The following DEGS1 variants were observed in gnomAD, a reference collection of about 807,000 sequenced individuals.
DEGS1 encodes the protein sphingolipid delta(4)-desaturase DES1.
A neutral mutation model predicts 24.1 loss-of-function variants in DEGS1; 17 were observed. The ratio of observed to expected loss-of-function variants is 0.70; its 90% CI spans 0.48 to 1.06. The LOEUF is 1.06. Among genes scored for constraint, DEGS1 ranks in the 50% least tolerant of loss-of-function variants. The probability of loss-of-function intolerance (pLI) is 0.00; values close to 1 mark genes in which losing one functional copy is unlikely to be tolerated. For missense variants in DEGS1, 366 were observed against 408.9 expected, an observed-to-expected ratio of 0.90 and a Z score of 0.91; for synonymous variants, 134 against 140.0, an observed-to-expected ratio of 0.96 and a Z score of 0.30.
intron 1 of DEGS1, among the ~76,000 whole-genome samples, chr1:224,186,476 G>A (rs1175300456): frequency 6.6e-6 from 1 of 152,150 alleles, no homozygotes; most frequent in Non-Finnish European, 1.5e-5. Flanking sequence ...CACTTTAGGA[G>A]GCTAAGGTGG....
intron 1 of DEGS1, among the ~76,000 whole-genome samples, chr1:224,185,906 T>G (rs4653996): frequency 0.45 from 67,648 of 152,008 alleles, 16,199 homozygotes; most frequent in South Asian, 0.54. Flanking sequence ...CTTAATATTC[T>G]GAAAATCAGG....
rs114482980 is a variant in DEGS1, at chr1:224,190,614, C to A, written c.825+295C>A. On this transcript the variant is annotated intron_variant, in intron 2 of 2. Transcript: ENST00000323699. ...AGCAGTTCATTAAAAAAAAAAAAAA[C>A]AAAAAGAGCAAGAATATAAATACTG... Among the ~76,000 whole-genome samples, 551 of 143,636 alleles carry A rather than the reference C, an allele frequency of 3.8e-3. 1 individual carries two copies. The highest frequency in any genetic ancestry group is 0.011 in the African/African-American group (404 of 35,852). The allele number at this position is 143,636 out of a possible 152,430, so 94.2% of individuals were successfully genotyped here.
rs1308975750 is a variant in DEGS1, at chr1:224,192,900, A to C, written c.*422A>C. 6.1e-6 allele frequency: 1 copy of C among 163,178 alleles called. No homozygotes were observed. Among genetic ancestry groups the C allele is most frequent in the Non-Finnish European group, 1.3e-5 (1 of 75,882 alleles). The allele number at this position is 163,178 out of a possible 1,614,324, so 10.1% of individuals were successfully genotyped here. A position where few individuals can be genotyped will look rare whatever the true frequency, so the allele number is the denominator to read the frequency against. Reference sequence around the variant, plus strand: ...GAAACCCCATCTCTACTAAAAATGCAAAAATTAGCCGGGCGTGGCGGCACA... The same window carrying C: ...GAAACCCCATCTCTACTAAAAATGCCAAAATTAGCCGGGCGTGGCGGCACA... On this transcript the variant is annotated 3_prime_UTR_variant, in exon 3 of 3. Coordinates refer to ENST00000323699, the MANE Select transcript of DEGS1 (RefSeq NM_003676.4).
intron 2 of DEGS1, among the ~76,000 whole-genome samples, chr1:224,190,788 TACGATA>T (rs1658518309): frequency 6.6e-6 from 1 of 152,012 alleles, no homozygotes; most frequent in South Asian, 2.1e-4. Flanking sequence ...AGTGCAGTGG[TACGATA>T]GCTCACTGCA....
At chr1:224,185,860 T>C (rs1165949317) in intron 1 of DEGS1, among the ~76,000 whole-genome samples, 2 of 152,172 alleles carry the variant, frequency 1.3e-5, no homozygotes, top group African/African-American at 4.8e-5. Context: ...GTCCTACCTG[T>C]GTAAAAACCA....
At chr1:224,186,595 C>A (rs893628079) in intron 1 of DEGS1, among the ~76,000 whole-genome samples, 1 of 151,872 alleles carries the variant, frequency 6.6e-6, no homozygotes, top group African/African-American at 2.4e-5. Context: ...CACCTGTAGT[C>A]CCAACTACTC....
chr1:224,189,980 G>C lies in DEGS1; in HGVS notation c.486G>C (p.Trp162Cys). The C allele has an allele frequency of 6.2e-7, 1 of 1,614,154 alleles. No homozygotes were observed. Among genetic ancestry groups the C allele is most frequent in the Non-Finnish European group, 8.5e-7 (1 of 1,180,040 alleles). Residue 162 changes from tryptophan to cysteine, a missense_variant, in exon 2 of 3, where the codon TGG becomes TGC. Physicochemically the swap from Trp to Cys is radical, Grantham distance 215 (BLOSUM62 -2). Transcript: ENST00000323699. ...GTACCGCTTTCAGAAAGTTTATATGGGTTATTCTTCAGCCTCTCTTTTATG... is the reference window on the plus strand; with the variant it reads ...GTACCGCTTTCAGAAAGTTTATATGCGTTATTCTTCAGCCTCTCTTTTATG... The part of the protein sequence containing the change: ...FFCTAFRKFI[W>C]VILQPLFYAF...
At chr1:224,183,486 C>A in intron 1 of DEGS1, 68 bp downstream of exon 1, 1 of 1,205,766 alleles carries the variant, frequency 8.3e-7, no homozygotes, top group East Asian at 3.3e-5. Context: ...GCTCTCCCCT[C>A]GCGGGCCCTG....
Position 224,183,241 on chromosome 1 carries a change from C to CA in DEGS1, c.-96_-95insA. ...CGCGCTCCGCCACAGCCGGCCGACA[C>CA]CACACCAGCCGGGGAGCCGCCGCCG... On this transcript the variant is annotated 5_prime_UTR_variant, in exon 1 of 3. Coordinates refer to ENST00000323699, the MANE Select transcript of DEGS1 (RefSeq NM_003676.4). The CA allele has an allele frequency of 8.6e-7, 1 of 1,168,826 alleles. No homozygotes were observed. The highest frequency in any genetic ancestry group is 1.2e-6 in the Non-Finnish European group (1 of 858,388). The allele number at this position is 1,168,826 out of a possible 1,614,324, so 72.4% of individuals were successfully genotyped here. A position where few individuals can be genotyped will look rare whatever the true frequency, so the allele number is the denominator to read the frequency against.
intron 2 of DEGS1, among the ~76,000 whole-genome samples, chr1:224,191,789 G>C (rs1266122294): frequency 1.3e-5 from 2 of 151,754 alleles, no homozygotes; most frequent in South Asian, 4.2e-4. Context: ...TAGAGATGGG[G>C]TTTCACCATA....
chr1:224,184,219 G>C (rs1208210191), intron 1 of DEGS1, among the ~76,000 whole-genome samples: 1 of 152,186 alleles, frequency 6.6e-6, no homozygotes, highest in African/African-American at 2.4e-5. Context: ...CTAATTGAGA[G>C]GCCTTAACTC....
chr1:224,183,819 G>C (rs1658304143), intron 1 of DEGS1: 1 of 156,596 alleles, frequency 6.4e-6, no homozygotes, highest in Non-Finnish European at 1.4e-5. Context: ...CCTCTCCTCC[G>C]GAGCGGGCCG....
intron 2 of DEGS1, chr1:224,190,978 T>G (rs1658521567): frequency 6.6e-6 from 1 of 152,126 alleles, no homozygotes; most frequent in South Asian, 2.1e-4. Context: ...TGCCTCAGCC[T>G]CCCAAGTAGC....
intron 2 of DEGS1, among the ~76,000 whole-genome samples, chr1:224,191,590 CTTTTTTTT>C (rs748181749): frequency 9.4e-5 from 5 of 53,302 alleles, no homozygotes; most frequent in African/African-American, 1.6e-4. Flanking sequence ...TTGATAAGTG[CTTTTTTTT>C]TTTTTTTTTT....
rs1241898448 is a variant in DEGS1 at position 224,183,290 on chromosome 1, G to C, written c.-47G>C. The C allele has an allele frequency of 6.9e-7, 1 of 1,456,838 alleles. No individual in the cohort carries two copies. The highest frequency in any genetic ancestry group is 1.5e-5 in the African/African-American group (1 of 67,754). The allele number at this position is 1,456,838 out of a possible 1,614,324, so 90.2% of individuals were successfully genotyped here. On this transcript the variant is annotated 5_prime_UTR_variant, in exon 1 of 3. Transcript: ENST00000323699. Reference sequence around the variant, plus strand: ...CGCCGCCGCCACCTCTGAGCAGCCGGCTGGGAGCGAGAGCCGACAGCTAGT... The same window carrying C: ...CGCCGCCGCCACCTCTGAGCAGCCGCCTGGGAGCGAGAGCCGACAGCTAGT...
intron 2 of DEGS1, among the ~76,000 whole-genome samples, chr1:224,191,659 A>G (rs1658539319): frequency 7.7e-6 from 1 of 129,780 alleles, no homozygotes; most frequent in Non-Finnish European, 1.5e-5. Context: ...CAGTGGCACA[A>G]TCTCGGCTCA....
intron 1 of DEGS1, among the ~76,000 whole-genome samples, chr1:224,184,400 C>T (rs529876511): frequency 1.1e-4 from 16 of 152,248 alleles, no homozygotes; most frequent in South Asian, 2.1e-4. Context: ...AATAAGAACG[C>T]GTGACTAAAT....
chr1:224,185,536 G>C (rs1658361318), intron 1 of DEGS1, among the ~76,000 whole-genome samples: 1 of 152,186 alleles, frequency 6.6e-6, no homozygotes, highest in Admixed American at 6.6e-5. Flanking sequence ...GCCGCACTCT[G>C]TCACCCAGGC....
intron 1 of DEGS1, among the ~76,000 whole-genome samples, chr1:224,186,676 G>A (rs1322489242): frequency 2.2e-5 from 3 of 139,258 alleles, no homozygotes; most frequent in African/African-American, 5.4e-5. Flanking sequence ...TGGTGCCACT[G>A]CACTCCAGCC....
Sources: allele counts gnomAD v4.1 joint callset (sites outside exome capture counted in the v4.1 genomes callset), GRCh38; gene constraint gnomAD v4.1.1; transcripts MANE v1.5; gene names NCBI Gene and HGNC (gene_info 2026-07-23, HGNC 2026-07-21).